NOL8: variants seen among roughly 807,000 people sequenced by gnomAD.
The protein encoded by NOL8 is nucleolar protein Nop132.
A neutral mutation model predicts 116.1 loss-of-function variants in NOL8; 93 were observed. That is an observed-to-expected ratio of 0.80 (90% CI 0.68 to 0.95). The LOEUF (loss-of-function observed/expected upper bound fraction) is 0.95, where lower values mean the gene tolerates loss of function less well. Ranked by LOEUF, NOL8 falls within the 40% of genes least tolerant of loss-of-function variation. The pLI is 0.00. For missense variants in NOL8, 1,291 were observed against 1,382.8 expected (o/e 0.93, Z 1.05); for synonymous variants, 419 against 469.0 (o/e 0.89, Z 1.38).
intron 7 of NOL8, among the ~76,000 whole-genome samples, chr9:92,312,660 C>T (rs1420980628): frequency 6.6e-6 from 1 of 150,576 alleles, no homozygotes; most frequent in Non-Finnish European, 1.5e-5. Context: ...AACCCCATCT[C>T]TACCACAAAT....
intron 12 of NOL8, 140 bp from the exon 13 acceptor site, chr9:92,301,962 G>A (rs74768370): frequency 3.0e-6 from 2 of 665,536 alleles, no homozygotes; most frequent in Non-Finnish European, 4.8e-6. Flanking sequence ...CTTATAAATA[G>A]AGAAATAAAA....
intron 7 of NOL8, among the ~76,000 whole-genome samples, 181 bp from the exon 8 acceptor site, chr9:92,311,440 T>G (rs1370260672): frequency 1.3e-5 from 2 of 152,188 alleles, no homozygotes; most frequent in Admixed American, 1.3e-4. Flanking sequence ...AGAAAATATT[T>G]GCAAACTATG....
At chr9:92,318,732 G>T (rs1228257589) in intron 5 of NOL8, 46 bp from the exon 6 acceptor site, 3 of 1,244,298 alleles carry the variant, frequency 2.4e-6, no homozygotes, top group Non-Finnish European at 3.3e-6. Context: ...GACACAAATG[G>T]AAAAGATTTA....
intron 5 of NOL8, 137 bp downstream of exon 5, chr9:92,319,084 A>G (rs945118939): frequency 3.6e-5 from 31 of 866,222 alleles, no homozygotes; most frequent in East Asian, 6.0e-5. Context: ...TGAAAATCAT[A>G]AAGTCCTATC....
chr9:92,319,775 C>T (rs1415709127), intron 4 of NOL8, among the ~76,000 whole-genome samples: 3 of 152,200 alleles, frequency 2.0e-5, no homozygotes, highest in African/African-American at 7.2e-5. Context: ...CATCAATCTA[C>T]TGTAGTTTAT....
chr9:92,303,420 C>T (rs1430172367), intron 12 of NOL8, among the ~76,000 whole-genome samples: 1 of 152,184 alleles, frequency 6.6e-6, no homozygotes, highest in East Asian at 1.9e-4. Flanking sequence ...ATGAAAATTT[C>T]AGTGTCCTTT....
In NOL8 at chr9:92,324,078, G is replaced by T. The variant is rs768740092; in HGVS notation, c.84C>A (p.Phe28Leu). 6.2e-7 allele frequency: 1 copy of T among 1,614,004 alleles called. No individual in the cohort carries two copies. The highest frequency in any genetic ancestry group is 1.1e-5 in the South Asian group (1 of 91,086). ...CATCCGAAACTTCTCCAAATCTGCT[G>T]AACTGATTTTGTAGGTCTGCCTCAG... is the stretch of plus-strand genomic sequence containing the variant. ...DISEADLQNQ[F>L]SRFGEVSDVE... The change falls in exon 2 of 17, where the codon TTC becomes TTA. Residue 28 changes from phenylalanine (F) to leucine (L), a missense_variant. By Grantham distance (22) the Phe-to-Leu change is conservative. Coordinates refer to ENST00000442668, the MANE Select transcript of NOL8 (RefSeq NM_017948.6).
intron 1 of NOL8, 123 bp from the exon 2 acceptor site, chr9:92,324,332 T>G: frequency 1.2e-6 from 1 of 806,794 alleles, no homozygotes; most frequent in Non-Finnish European, 1.9e-6. Flanking sequence ...ATTGTATTAC[T>G]TCCAAATTTT....
In NOL8 at chr9:92,301,779, G is replaced by A. The variant is rs1231833971; in HGVS notation, c.2947C>T (p.Pro983Ser). ...KKKREEAEKL[P>S]EVSKEMYYNI... Reference sequence around the variant, plus strand: ...TAATACATTTCTTTAGACACCTCAGGTAGTTTCTCAGCTTCCTCCCTTTTC... The same window carrying A: ...TAATACATTTCTTTAGACACCTCAGATAGTTTCTCAGCTTCCTCCCTTTTC... Residue 983 changes from proline to serine, a missense_variant, in exon 13 of 17, where the codon CCT (proline) becomes TCT (serine). Pro to Ser is a moderately conservative substitution (Grantham distance 74). Coordinates refer to ENST00000442668, the MANE Select transcript of NOL8 (RefSeq NM_017948.6). 3.7e-6 allele frequency: 6 copies of A among 1,600,738 alleles called. No homozygotes were observed. The highest frequency in any genetic ancestry group is 4.3e-6 in the Non-Finnish European group (5 of 1,173,008).
Position 92,315,504 on chromosome 9 carries a change from C to G in NOL8, c.1121G>C (p.Arg374Pro), listed in dbSNP as rs546301538. 4 of 1,609,468 alleles carry G rather than the reference C, an allele frequency of 2.5e-6. No individual in the cohort carries two copies. The highest frequency in any genetic ancestry group is 2.5e-6 in the Non-Finnish European group (3 of 1,177,684). ...ATCTGTATCTCCTGAGTCATACTCACGATCATTTCTCATAATATCATCATC... is the reference window on the plus strand; with the variant it reads ...ATCTGTATCTCCTGAGTCATACTCAGGATCATTTCTCATAATATCATCATC... ...DSDDDIMRND[R>P]EYDSGDTDEI... is the part of the protein sequence containing the mutation. The change falls in exon 7 of 17, where the codon CGT becomes CCT. Residue 374 changes from arginine to proline, a missense_variant. By Grantham distance (103) the Arg-to-Pro change is moderately radical (BLOSUM62 -2). Transcript: ENST00000442668.
intron 12 of NOL8, among the ~76,000 whole-genome samples, chr9:92,303,968 T>G (rs1837991671): frequency 6.6e-6 from 1 of 152,106 alleles, no homozygotes; most frequent in African/African-American, 2.4e-5. Flanking sequence ...TCTAACAGAG[T>G]GAATTCCAAG....
intron 12 of NOL8, among the ~76,000 whole-genome samples, chr9:92,304,365 A>G (rs1838034982): frequency 6.6e-6 from 1 of 152,192 alleles, no homozygotes; most frequent in Admixed American, 6.5e-5. Context: ...TATTGGAGGA[A>G]GGGTAGATAA....
chr9:92,311,275 A>G lies in NOL8; in HGVS notation c.2359-16T>C. On this transcript the variant is annotated splice_polypyrimidine_tract_variant and intron_variant, in intron 7 of 16. Coordinates refer to ENST00000442668, the MANE Select transcript of NOL8 (RefSeq NM_017948.6). ...GATGACCATCCTAGGGAGGCCATCG[A>G]AAGCATTGCATCTTAAAAAGATTTA... 1 of 1,579,864 alleles carries G rather than the reference A, an allele frequency of 6.3e-7. No homozygotes were observed. The highest frequency in any genetic ancestry group is 1.1e-5 in the South Asian group (1 of 89,168).
At position 92,314,616 on chromosome 9, in the gene NOL8, T is replaced by A. The variant is rs1475744302; in HGVS notation, c.2009A>T (p.Asn670Ile). Residue 670 changes from asparagine (N) to isoleucine (I), a missense_variant, in exon 7 of 17, where the codon AAT becomes ATT. By Grantham distance (149) the Asn-to-Ile change is moderately radical. Transcript: ENST00000442668. ...SPSSSEKRSK[N>I]PISRPLEGKK... ...ACCTTCTAATGGCCTAGAAATAGGA[T>A]TCTTACTTCTCTTTTCAGAACTGCT... 1 of 1,612,774 alleles carries A rather than the reference T, an allele frequency of 6.2e-7. No homozygotes were observed. Among genetic ancestry groups the A allele is most frequent in the East Asian group, 2.2e-5 (1 of 44,886 alleles).
In NOL8 at chr9:92,319,297, G is replaced by C; in HGVS notation, c.341C>G (p.Ala114Gly). ...AKKEESTTGN[A>G]NLLEKTGGVD... ...TCCTCCTGTCTTTTCTAACAAGTTGGCGTTACCTGTTGTTGATTCTTCTTT... is the reference window on the plus strand; with the variant it reads ...TCCTCCTGTCTTTTCTAACAAGTTGCCGTTACCTGTTGTTGATTCTTCTTT... Residue 114 changes from alanine (A) to glycine (G), a missense_variant, in exon 5 of 17, where the codon GCC (alanine) becomes GGC (glycine). By Grantham distance (60) the Ala-to-Gly change is moderately conservative (BLOSUM62 0). Transcript: ENST00000442668. The C allele has an allele frequency of 6.3e-7, 1 of 1,597,066 alleles. No homozygotes were observed. The highest frequency in any genetic ancestry group is 8.5e-7 in the Non-Finnish European group (1 of 1,173,368).
chr9:92,310,158 A>G lies in NOL8; in HGVS notation c.2686+13T>C. On this transcript the variant is annotated intron_variant, in intron 10 of 16. Coordinates refer to ENST00000442668, the MANE Select transcript of NOL8 (RefSeq NM_017948.6). ...AGATATGACATCAGGACTCTGGACAATGAAGCATTTACCTTCCTGTTCCTC... is the reference window on the plus strand; with the variant it reads ...AGATATGACATCAGGACTCTGGACAGTGAAGCATTTACCTTCCTGTTCCTC... 1 of 1,582,418 alleles carries G rather than the reference A, an allele frequency of 6.3e-7. No individual in the cohort carries two copies. Among genetic ancestry groups the G allele is most frequent in the Non-Finnish European group, 8.6e-7 (1 of 1,159,322 alleles).
rs1564225956 is a variant in NOL8, at chr9:92,314,258, T to C, written c.2358+9A>G. Reference sequence around the variant, plus strand: ...TCTTGTTAAATCCATACATTGAAAATATACTCACCAAATTTGCCAGAGCAT... The same window carrying C: ...TCTTGTTAAATCCATACATTGAAAACATACTCACCAAATTTGCCAGAGCAT... On this transcript the variant is annotated intron_variant, in intron 7 of 16. Coordinates refer to ENST00000442668, the MANE Select transcript of NOL8 (RefSeq NM_017948.6). 1 of 1,548,370 alleles carries C rather than the reference T, an allele frequency of 6.5e-7. No individual in the cohort carries two copies. Among genetic ancestry groups the C allele is most frequent in the East Asian group, 2.3e-5 (1 of 44,200 alleles).
chr9:92,322,350 T>C (rs1839998353), intron 3 of NOL8, among the ~76,000 whole-genome samples: 1 of 152,210 alleles, frequency 6.6e-6, no homozygotes, highest in African/African-American at 2.4e-5. Flanking sequence ...TGGTAGATAC[T>C]GTACTAAGTA....
chr9:92,306,321 T>C (rs1228529788), intron 11 of NOL8, among the ~76,000 whole-genome samples: 1 of 152,204 alleles, frequency 6.6e-6, no homozygotes, highest in Non-Finnish European at 1.5e-5. Context: ...TACCTACTTT[T>C]GAGATTTCCT....
Sources: allele counts gnomAD v4.1 joint callset (sites outside exome capture counted in the v4.1 genomes callset), GRCh38; gene constraint gnomAD v4.1.1; transcripts MANE v1.5; gene names NCBI Gene and HGNC (gene_info 2026-07-23, HGNC 2026-07-21).